The following FOXP1 variants were observed in gnomAD, a reference collection of about 807,000 sequenced individuals.
FOXP1 encodes the protein forkhead box protein P1.
FOXP1 carries 15 observed loss-of-function variants against 98.2 expected under a neutral mutation model. The observed-to-expected ratio is 0.15, with a 90% confidence interval of 0.10 to 0.24. FOXP1 has a LOEUF of 0.24. Among genes scored for constraint, FOXP1 ranks in the 10% least tolerant of loss-of-function variants. The pLI is 1.00. For missense variants in FOXP1, 633 were observed against 848.5 expected, an observed-to-expected ratio of 0.75 and a Z score of 3.15; for synonymous variants, 371 against 314.5, an observed-to-expected ratio of 1.18 and a Z score of -1.90.
chr3:71,418,452 A>G (rs1423254210), intron 3 of FOXP1, among the ~76,000 whole-genome samples: 1 of 152,190 alleles, frequency 6.6e-6, no homozygotes, highest in African/African-American at 2.4e-5. Flanking sequence ...TAAATCTACC[A>G]TTCATTTTAG....
intron 6 of FOXP1, among the ~76,000 whole-genome samples, chr3:71,114,139 A>C (rs534560081): frequency 6.6e-6 from 1 of 152,326 alleles, no homozygotes; most frequent in South Asian, 2.1e-4. Flanking sequence ...CATCAAAAGG[A>C]CCTGAAGCTA....
chr3:71,327,784 T>A (rs2076005014), intron 4 of FOXP1, among the ~76,000 whole-genome samples: 1 of 152,210 alleles, frequency 6.6e-6, no homozygotes, highest in African/African-American at 2.4e-5. Flanking sequence ...GTATGTTTAC[T>A]GATACATTAT....
At chr3:71,375,581 T>C (rs1427590377) in intron 3 of FOXP1, among the ~76,000 whole-genome samples, 1 of 152,216 alleles carries the variant, frequency 6.6e-6, no homozygotes, top group African/African-American at 2.4e-5. Context: ...AAATGTTCCA[T>C]ATCTGAGAAC....
chr3:70,968,258 G>A (rs566422967), intron 19 of FOXP1: 1 of 152,018 alleles, frequency 6.6e-6, no homozygotes, highest in Non-Finnish European at 1.5e-5. Flanking sequence ...CCCAGTGCCT[G>A]ATCCGCAAGA....
intron 11 of FOXP1, among the ~76,000 whole-genome samples, chr3:71,040,907 T>C (rs1456539784): frequency 6.6e-6 from 1 of 152,162 alleles, no homozygotes; most frequent in Admixed American, 6.6e-5. Flanking sequence ...AGGGGAGCAA[T>C]GTAGAGTAAC....
intron 5 of FOXP1, among the ~76,000 whole-genome samples, chr3:71,265,233 C>T (rs1402465633): frequency 6.6e-6 from 1 of 152,218 alleles, no homozygotes; most frequent in African/African-American, 2.4e-5. Context: ...GCCAAACTTA[C>T]TGAGCCCCGT....
intron 2 of FOXP1, among the ~76,000 whole-genome samples, chr3:71,562,397 T>G (rs1051490008): frequency 5.3e-5 from 8 of 152,244 alleles, no homozygotes; most frequent in Admixed American, 4.6e-4. Context: ...GTTAATAGCT[T>G]GTCTAAGGGT....
At chr3:71,506,402 C>T (rs17718783) in intron 2 of FOXP1, among the ~76,000 whole-genome samples, 93,193 of 151,966 alleles carry the variant, frequency 0.61, 30,008 homozygotes, top group Non-Finnish European at 0.67. Context: ...CCTGTCTCCA[C>T]GGCGGCGTAT....
intron 3 of FOXP1, among the ~76,000 whole-genome samples, chr3:71,475,382 A>C (rs974347720): frequency 2.0e-5 from 3 of 152,178 alleles, no homozygotes; most frequent in Admixed American, 2.0e-4. Flanking sequence ...ATTCCCACCA[A>C]AATATACCTC....
intron 7 of FOXP1, among the ~76,000 whole-genome samples, chr3:71,054,308 C>G (rs1361272876): frequency 1.3e-5 from 2 of 152,242 alleles, no homozygotes; most frequent in African/African-American, 4.8e-5. Flanking sequence ...ATGCCTTTTA[C>G]TCTTCCTTAT....
chr3:71,536,983 T>C (rs967854002), intron 2 of FOXP1, among the ~76,000 whole-genome samples: 11 of 151,968 alleles, frequency 7.2e-5, no homozygotes, highest in Non-Finnish European at 1.3e-4. Flanking sequence ...ACCTGAGCCA[T>C]GGAGGGAAGG....
At chr3:71,501,700 C>A (rs1351721116) in intron 2 of FOXP1, among the ~76,000 whole-genome samples, 1 of 152,202 alleles carries the variant, frequency 6.6e-6, no homozygotes, top group African/African-American at 2.4e-5. Context: ...GTTGATAGTA[C>A]AGCAAGGTGA....
At chr3:71,556,245 T>C (rs2046119577) in intron 2 of FOXP1, among the ~76,000 whole-genome samples, 1 of 152,116 alleles carries the variant, frequency 6.6e-6, no homozygotes, top group South Asian at 2.1e-4. Context: ...TCATTAGTTA[T>C]TAAAGAAAGC....
Position 70,955,827 on chromosome 3 carries a change from C to T in FOXP1, c.*3420G>A, listed in dbSNP as rs1244725511. The T allele has an allele frequency of 2.7e-5, 6 of 222,648 alleles. No homozygotes were observed. Among genetic ancestry groups the T allele is most frequent in the Non-Finnish European group, 5.1e-5 (6 of 117,434 alleles). 13.8% of individuals were successfully genotyped at this position (222,648 alleles called of 1,614,324 possible). A position where few individuals can be genotyped will look rare whatever the true frequency, so the allele number is the denominator to read the frequency against. On this transcript the variant is annotated 3_prime_UTR_variant, in exon 21 of 21. Transcript: ENST00000649528. ...CAAAAAACAGATTAACACACACGCACGCGCGCACACACACACACACACACA... is the reference window on the plus strand; with the variant it reads ...CAAAAAACAGATTAACACACACGCATGCGCGCACACACACACACACACACA...
At chr3:71,118,689 A>C (rs1424441153) in intron 6 of FOXP1, among the ~76,000 whole-genome samples, 2 of 152,204 alleles carry the variant, frequency 1.3e-5, no homozygotes, top group Non-Finnish European at 2.9e-5. Flanking sequence ...GTGTTGTATC[A>C]TCTGTCATAT....
chr3:71,411,310 TGTGTGTGTATGTGTGTGTGTGA>T (rs1472587410), intron 3 of FOXP1, among the ~76,000 whole-genome samples: 1 of 143,936 alleles, frequency 6.9e-6, no homozygotes, highest in African/African-American at 2.9e-5. Flanking sequence ...TGTGTGTGTG[TGTGTGTGTATGTGTGTGTGTGA>T]GTGACGGAGT....
At chr3:71,475,960 T>C (rs1191225251) in intron 3 of FOXP1, among the ~76,000 whole-genome samples, 1 of 151,052 alleles carries the variant, frequency 6.6e-6, no homozygotes, top group Admixed American at 6.6e-5. Context: ...ATTCTATGAT[T>C]TGGGGATACC....
intron 2 of FOXP1, among the ~76,000 whole-genome samples, chr3:71,549,830 T>C (rs915189903): frequency 7.7e-6 from 1 of 130,286 alleles, no homozygotes; most frequent in Non-Finnish European, 1.6e-5. Flanking sequence ...AAATGGTAAA[T>C]TATATTACAG....
chr3:71,218,745 A>G (rs1327483618), intron 5 of FOXP1, among the ~76,000 whole-genome samples: 2 of 152,198 alleles, frequency 1.3e-5, no homozygotes, highest in Non-Finnish European at 2.9e-5. Flanking sequence ...TATTTACAAA[A>G]CAGGCGACAG....
Sources: allele counts gnomAD v4.1 joint callset (sites outside exome capture counted in the v4.1 genomes callset), GRCh38; gene constraint gnomAD v4.1.1; transcripts MANE v1.5; gene names NCBI Gene and HGNC (gene_info 2026-07-23, HGNC 2026-07-21).